ZNF514: variants seen among roughly 807,000 people sequenced by gnomAD.
The protein encoded by ZNF514 is zinc finger protein 514.
A neutral mutation model predicts 9.7 loss-of-function variants in ZNF514; 12 were observed. The ratio of observed to expected loss-of-function variants is 1.24; its 90% CI spans 0.79 to 2.01. ZNF514 has a LOEUF of 2.01. ZNF514 is among the 30% of genes most tolerant of loss of function. The pLI is 0.00. For synonymous variants in ZNF514, 158 were observed against 163.7 expected, an observed-to-expected ratio of 0.97 and a Z score of 0.27; for missense variants, 467 against 465.5, an observed-to-expected ratio of 1.00 and a Z score of -0.03.
At chr2:95,127,604 T>C in the ZNF514 span, among the ~76,000 whole-genome samples, 1 of 152,096 alleles carries the variant, frequency 6.6e-6, no homozygotes, top group Non-Finnish European at 1.5e-5. Context: ...TGTTTTTGTT[T>C]TTTTGTTTTT....
rs748335117 is a variant in ZNF514 at position 95,157,455 on chromosome 2, G to A, written c.-95-16C>T. ...GAAGGGGAAGCTGGGAAGGTAGAAG[G>A]AGACATAAGGGAAGCTGACCCAGCC... On this transcript the variant is annotated splice_polypyrimidine_tract_variant and intron_variant, in intron 1 of 4. Transcript: ENST00000295208. The A allele has an allele frequency of 2.3e-6, 3 of 1,284,840 alleles. No homozygotes were observed. The highest frequency in any genetic ancestry group is 1.5e-5 in the African/African-American group (1 of 65,730). 79.6% of individuals were successfully genotyped at this position (1,284,840 alleles called of 1,614,324 possible). A position where few individuals can be genotyped will look rare whatever the true frequency, so the allele number is the denominator to read the frequency against.
At chr2:95,151,127 G>C (rs1673526609) in intron 4 of ZNF514, among the ~76,000 whole-genome samples, 1 of 152,156 alleles carries the variant, frequency 6.6e-6, no homozygotes. Flanking sequence ...CTAATCACAA[G>C]AACCTGTGAG....
chr2:95,158,971 C>A (rs534221680), intron 1 of ZNF514: 94 of 1,288,654 alleles, frequency 7.3e-5, no homozygotes, highest in Non-Finnish European at 9.4e-5. Flanking sequence ...AAACCTGATG[C>A]TGTGGAGTCC....
At chr2:95,128,141 C>T in the ZNF514 span, among the ~76,000 whole-genome samples, 1 of 151,986 alleles carries the variant, frequency 6.6e-6, no homozygotes, top group Admixed American at 6.5e-5. Flanking sequence ...GCCTGTAATC[C>T]CAGCACTTGG....
rs1050671265 is a variant in ZNF514, at chr2:95,149,950, A to G, written c.535T>C (p.Tyr179His). 1 of 1,614,226 alleles carries G rather than the reference A, an allele frequency of 6.2e-7. No individual in the cohort carries two copies. Reference sequence around the variant, plus strand: ...TGCCTGAATTCTGTATCACATTTATAAGATCCTTCTCCCATGAGAATGCTG... The same window carrying G: ...TGCCTGAATTCTGTATCACATTTATGAGATCCTTCTCCCATGAGAATGCTG... The part of the protein sequence containing the change: ...QHSILMGEGS[Y>H]KCDTEFRQTL... The change falls in exon 5 of 5, where the codon TAT becomes CAT. Residue 179 changes from tyrosine to histidine, a missense_variant. Physicochemically the swap from Tyr to His is moderately conservative, Grantham distance 83 (BLOSUM62 2). Transcript: ENST00000295208.
In ZNF514 at chr2:95,150,218, A is replaced by G; in HGVS notation, c.267T>C (p.Ile89=). Reference sequence around the variant, plus strand: ...CTACCTGGAATAATTCTTCTTTGGAAATTCCCCAACTTGGCATTGATTCCT... The same window carrying G: ...CTACCTGGAATAATTCTTCTTTGGAGATTCCCCAACTTGGCATTGATTCCT... ...KSKESMPSWG[I]SKEELFQVVS... The change falls in exon 5 of 5, where the codon ATT becomes ATC. Residue 89 remains isoleucine (I), a synonymous_variant. Coordinates refer to ENST00000295208, the MANE Select transcript of ZNF514 (RefSeq NM_032788.3). The G allele has an allele frequency of 6.2e-7, 1 of 1,603,460 alleles. No individual in the cohort carries two copies. Among genetic ancestry groups the G allele is most frequent in the Non-Finnish European group, 8.5e-7 (1 of 1,177,428 alleles).
Position 95,150,083 on chromosome 2 carries a change from C to T in ZNF514, c.402G>A (p.Leu134=). 6.2e-7 allele frequency: 1 copy of T among 1,613,676 alleles called. No homozygotes were observed. The highest frequency in any genetic ancestry group is 8.5e-7 in the Non-Finnish European group (1 of 1,180,010). Residue 134 remains leucine, a synonymous_variant, in exon 5 of 5, where the codon CTG becomes CTA. Coordinates refer to ENST00000295208, the MANE Select transcript of ZNF514 (RefSeq NM_032788.3). ...EMQQIKQERH[L]KQMSTIHKSA... is the part of the protein sequence containing the mutation. ...ATTTGTGAATGGTTGACATTTGTTT[C>T]AGGTGTCTCTCCTGTTTTATCTGCT...
chr2:95,135,661 A>G, the ZNF514 span, among the ~76,000 whole-genome samples: 4 of 152,002 alleles, frequency 2.6e-5, no homozygotes, highest in Non-Finnish European at 4.4e-5. Flanking sequence ...GGCTTAAGCG[A>G]TCCTCCTGCC....
chr2:95,148,998 C>T lies in ZNF514; in HGVS notation c.*284G>A. On this transcript the variant is annotated 3_prime_UTR_variant, in exon 5 of 5. Transcript: ENST00000295208. ...TGATAAGGCTCCTCCCCAGTGTCGG[C>T]TGTCTGATGCTGAATAATATGCATC... 2.8e-6 allele frequency: 1 copy of T among 355,328 alleles called. No homozygotes were observed. The highest frequency in any genetic ancestry group is 5.1e-6 in the Non-Finnish European group (1 of 197,304). 22.0% of individuals were successfully genotyped at this position (355,328 alleles called of 1,614,324 possible). A position where few individuals can be genotyped will look rare whatever the true frequency, so the allele number is the denominator to read the frequency against.
the ZNF514 span, among the ~76,000 whole-genome samples, chr2:95,128,775 A>G: frequency 2.0e-5 from 3 of 151,084 alleles, no homozygotes; most frequent in South Asian, 2.1e-4. Flanking sequence ...GGAGAAAGAG[A>G]AGGAGGAGGA....
the ZNF514 span, among the ~76,000 whole-genome samples, chr2:95,136,772 A>C: frequency 2.6e-5 from 4 of 152,306 alleles, no homozygotes; most frequent in African/African-American, 9.6e-5. Flanking sequence ...TGAAAACTGA[A>C]ACTGGAAGTT....
rs1458203997 is a variant in ZNF514, at chr2:95,146,649, A to C, written c.*2633T>G. Among the ~76,000 whole-genome samples the C allele has an allele frequency of 1.3e-5, 2 of 150,216 alleles. No individual in the cohort carries two copies. The highest frequency in any genetic ancestry group is 3.0e-5 in the Non-Finnish European group (2 of 67,714). ...GAGGATTTATCTTGTAGGCCGTGCA[A>C]AGGATTTTTGGAGGGCAGGACACTG... On this transcript the variant is annotated 3_prime_UTR_variant, in exon 5 of 5. Transcript: ENST00000295208.
At chr2:95,155,889 T>A (rs1169047488) in intron 2 of ZNF514, among the ~76,000 whole-genome samples, 8 of 152,160 alleles carry the variant, frequency 5.3e-5, no homozygotes, top group Non-Finnish European at 1.0e-4. Context: ...TTCCCTCTGA[T>A]ACAAGAAGAG....
chr2:95,150,307 T>TA, intron 4 of ZNF514, 40 bp from the exon 5 acceptor site: 1 of 1,501,570 alleles, frequency 6.7e-7, no homozygotes, highest in Non-Finnish European at 8.8e-7. Context: ...CATTCTAGTA[T>TA]GTAGAATGTC....
chr2:95,143,536 T>C (rs575626594), downstream of ZNF514, among the ~76,000 whole-genome samples: 8 of 152,184 alleles, frequency 5.3e-5, no homozygotes, highest in Non-Finnish European at 8.8e-5. Context: ...GGAGAATTGC[T>C]TGAACCCGGG....
rs894667630 is a variant in ZNF514, at chr2:95,147,232, A to C, written c.*2050T>G. ...CCCAGTAAATGTAGGGGTAACTGTTACAGAAAATAAAAAGTGATACCAAAA... is the reference window on the plus strand; with the variant it reads ...CCCAGTAAATGTAGGGGTAACTGTTCCAGAAAATAAAAAGTGATACCAAAA... On this transcript the variant is annotated 3_prime_UTR_variant, in exon 5 of 5. Coordinates refer to ENST00000295208, the MANE Select transcript of ZNF514 (RefSeq NM_032788.3). The C allele has an allele frequency of 3.8e-4, 58 of 152,256 alleles. No homozygotes were observed. Among genetic ancestry groups the C allele is most frequent in the Non-Finnish European group, 1.0e-4 (7 of 68,050 alleles). 9.4% of individuals were successfully genotyped at this position (152,256 alleles called of 1,614,324 possible).
chr2:95,159,443 G>T lies in ZNF514; in HGVS notation c.-299C>A. 6.3e-6 allele frequency: 1 copy of T among 158,712 alleles called. No individual in the cohort carries two copies. 9.8% of individuals were successfully genotyped at this position (158,712 alleles called of 1,614,324 possible). On this transcript the variant is annotated 5_prime_UTR_variant, in exon 1 of 5. Coordinates refer to ENST00000295208, the MANE Select transcript of ZNF514 (RefSeq NM_032788.3). ...GGGACCGACTCTATCAGCCCGGTTC[G>T]CCCCGCTGTCCCTGCCTAGCTCCGG...
chr2:95,129,737 G>A, the ZNF514 span, among the ~76,000 whole-genome samples: 2 of 152,130 alleles, frequency 1.3e-5, no homozygotes, highest in Non-Finnish European at 2.9e-5. Context: ...TGGGAGTAGT[G>A]GCTCAGAGAT....
chr2:95,134,733 T>A, the ZNF514 span, among the ~76,000 whole-genome samples: 1 of 152,360 alleles, frequency 6.6e-6, no homozygotes, highest in South Asian at 2.1e-4. Context: ...TTCTAAGAGT[T>A]TTACCATTTT....
Sources: allele counts gnomAD v4.1 joint callset (sites outside exome capture counted in the v4.1 genomes callset), GRCh38; gene constraint gnomAD v4.1.1; transcripts MANE v1.5; gene names NCBI Gene and HGNC (gene_info 2026-07-23, HGNC 2026-07-21).